The following TCERG1 variants were observed in gnomAD, a reference collection of about 807,000 sequenced individuals.
The protein encoded by TCERG1 is transcription elongation regulator 1.
TCERG1 carries 37 observed loss-of-function variants against 144.7 expected under a neutral mutation model. The observed-to-expected ratio is 0.26, with a 90% confidence interval of 0.20 to 0.34. TCERG1 has a LOEUF of 0.34. TCERG1 is among the 10% of genes least tolerant of loss of function. TCERG1 has a pLI of 1.00. For synonymous variants in TCERG1, 492 were observed against 458.2 expected (o/e 1.07, Z -0.94); for missense variants, 1,027 against 1,380.7 (o/e 0.74, Z 4.06).
chr5:146,508,039 A>G, intron 21 of TCERG1, 83 bp downstream of exon 21: 3 of 865,338 alleles, frequency 3.5e-6, no homozygotes, highest in Non-Finnish European at 1.8e-6. Context: ...CTTAACCAAA[A>G]TGAAGTTGAT....
rs1280235329 is a variant in TCERG1 at position 146,507,813 on chromosome 5, G to GT, written c.2962-57dup. ...TAATATTATGTACCTATGTGCTGCA[G>GT]TTTGACTCCCTAAGTAAAAGTGAGT... On this transcript the variant is annotated intron_variant, in intron 20 of 22. Transcript: ENST00000679501. The surrounding 1 kb of genome is among the most constrained non-coding windows in gnomAD (Gnocchi z 4.6). 10 of 1,216,968 alleles carry GT rather than the reference G, an allele frequency of 8.2e-6. No individual in the cohort carries two copies. The Admixed American group carries it at 2.0e-4, about 24-fold the overall frequency. 75.4% of individuals were successfully genotyped at this position (1,216,968 alleles called of 1,614,324 possible).
intron 9 of TCERG1, among the ~76,000 whole-genome samples, chr5:146,476,893 C>T (rs1764890070): frequency 6.6e-6 from 1 of 152,116 alleles, no homozygotes; most frequent in African/African-American, 2.4e-5. Context: ...GTAGGTGGGA[C>T]TACAGGTGCA....
intron 15 of TCERG1, 102 bp from the exon 16 acceptor site, chr5:146,492,817 AT>A: frequency 1.3e-6 from 1 of 778,756 alleles, no homozygotes; most frequent in South Asian, 1.7e-5. Context: ...CAGTTAATAT[AT>A]TTTTCCTGGT....
chr5:146,482,260 G>A (rs1765426127), intron 13 of TCERG1: 2 of 164,020 alleles, frequency 1.2e-5, no homozygotes, highest in South Asian at 4.0e-4. Context: ...CTGACACATA[G>A]AGGTTTACTG....
chr5:146,448,195 A>G (rs755597997), intron 1 of TCERG1, among the ~76,000 whole-genome samples: 5 of 152,208 alleles, frequency 3.3e-5, no homozygotes, highest in Non-Finnish European at 7.3e-5. Flanking sequence ...AGTCAGTAGA[A>G]TAAGATTGCA....
intron 2 of TCERG1, among the ~76,000 whole-genome samples, chr5:146,456,273 T>G (rs902127197): frequency 5.3e-5 from 8 of 152,234 alleles, no homozygotes; most frequent in Non-Finnish European, 8.8e-5. Flanking sequence ...AGAAATAGTT[T>G]TTTTAACTTA....
At chr5:146,487,566 TC>T (rs1282079736) in intron 15 of TCERG1, among the ~76,000 whole-genome samples, 4 of 152,018 alleles carry the variant, frequency 2.6e-5, no homozygotes, top group African/African-American at 9.6e-5. Context: ...GTGAGATCTC[TC>T]TACAAAAAAA....
intron 13 of TCERG1, chr5:146,481,907 C>G (rs1195308833): frequency 6.6e-6 from 1 of 152,082 alleles, no homozygotes; most frequent in African/African-American, 2.4e-5. Flanking sequence ...GTAGTTTAGT[C>G]ATTGATGAAC....
At chr5:146,503,319 A>G in intron 17 of TCERG1, 56 bp from the exon 18 acceptor site, 2 of 1,521,126 alleles carry the variant, frequency 1.3e-6, no homozygotes, top group Non-Finnish European at 1.8e-6. Context: ...AGATATGATG[A>G]ATTTCTCATG....
intron 2 of TCERG1, 50 bp downstream of exon 2, chr5:146,455,331 T>G (rs1159956909): frequency 6.3e-7 from 1 of 1,588,312 alleles, no homozygotes; most frequent in Non-Finnish European, 8.6e-7. Context: ...TTATCAATAT[T>G]ATATATGGGT....
rs190773268 is a variant in TCERG1, at chr5:146,496,915, C to T, written c.2283-1621C>T. 4.9e-3 allele frequency among the ~76,000 whole-genome samples: 716 copies of T among 146,746 alleles called. 35 individuals carry two copies. Among genetic ancestry groups the T allele is most frequent in the Admixed American group, 0.045 (659 of 14,630 alleles). ...TTGAGACAGAGTCTTGCTCTGTCAC[C>T]CAGGCTGGAGTGCAGTGGCGTGATC... On this transcript the variant is annotated intron_variant, in intron 16 of 22. Coordinates refer to ENST00000679501, the MANE Select transcript of TCERG1 (RefSeq NM_001382548.1).
chr5:146,463,279 A>G (rs569977641), intron 4 of TCERG1, among the ~76,000 whole-genome samples: 8 of 152,202 alleles, frequency 5.3e-5, no homozygotes, highest in Admixed American at 1.3e-4. Context: ...CAGCATCCCA[A>G]TATAAACTTT....
chr5:146,472,870 C>T (rs559435788), intron 9 of TCERG1, among the ~76,000 whole-genome samples: 8 of 152,240 alleles, frequency 5.3e-5, no homozygotes, highest in Admixed American at 1.3e-4. Context: ...CACGCCACCA[C>T]GCCTGGCTAA....
At chr5:146,487,088 A>AG (rs56278838) in intron 15 of TCERG1, among the ~76,000 whole-genome samples, 2 of 76,420 alleles carry the variant, frequency 2.6e-5, no homozygotes, top group East Asian at 0.012. Context: ...ACTCTGTCTC[A>AG]AAAAAAAAGA....
intron 17 of TCERG1, among the ~76,000 whole-genome samples, chr5:146,502,785 A>C (rs1391720339): frequency 2.6e-5 from 4 of 152,182 alleles, no homozygotes; most frequent in African/African-American, 9.6e-5. Context: ...ACTTTCTCAC[A>C]TATCAAGGTG....
chr5:146,505,857 A>G (rs951775957), intron 19 of TCERG1, among the ~76,000 whole-genome samples: 1 of 152,112 alleles, frequency 6.6e-6, no homozygotes, highest in Non-Finnish European at 1.5e-5. Flanking sequence ...GCTCACTGCA[A>G]CCTTTGCCTC....
intron 4 of TCERG1, among the ~76,000 whole-genome samples, chr5:146,460,883 T>G (rs1763275932): frequency 6.6e-6 from 1 of 152,188 alleles, no homozygotes; most frequent in African/African-American, 2.4e-5. Context: ...TTTTATAGGT[T>G]TAGTGCTTCC....
intron 1 of TCERG1, among the ~76,000 whole-genome samples, chr5:146,449,725 A>G (rs572289082): frequency 2.4e-4 from 36 of 152,286 alleles, no homozygotes; most frequent in Admixed American, 2.0e-3. Context: ...TTTGTTTTTC[A>G]GAAAGGTTGT....
intron 2 of TCERG1, among the ~76,000 whole-genome samples, chr5:146,456,029 A>G (rs1762806498): frequency 6.6e-6 from 1 of 152,198 alleles, no homozygotes; most frequent in African/African-American, 2.4e-5. Context: ...ATATAGTGGT[A>G]TCATCTGCCT....
Sources: allele counts gnomAD v4.1 joint callset (sites outside exome capture counted in the v4.1 genomes callset), GRCh38; gene constraint gnomAD v4.1.1; non-coding constraint Gnocchi (gnomAD v3.1); transcripts MANE v1.5; gene names NCBI Gene and HGNC (gene_info 2026-07-23, HGNC 2026-07-21).